The following PLCB1 variants were observed in gnomAD, a reference collection of about 807,000 sequenced individuals.
The protein encoded by PLCB1 is 1-phosphatidylinositol 4,5-bisphosphate phosphodiesterase beta-1.
Under a neutral mutation model 161.8 loss-of-function variants are expected in PLCB1, and 46 were observed. That is an observed-to-expected ratio of 0.28 (90% CI 0.22 to 0.36). PLCB1 has a LOEUF of 0.36. Among genes scored for constraint, PLCB1 ranks in the 10% least tolerant of loss-of-function variants. The probability of loss-of-function intolerance (pLI) is 1.00; values close to 1 mark genes in which losing one functional copy is unlikely to be tolerated. For missense variants in PLCB1, 1,016 were observed against 1,472.5 expected, an observed-to-expected ratio of 0.69 and a Z score of 5.07; for synonymous variants, 517 against 503.7, an observed-to-expected ratio of 1.03 and a Z score of -0.35.
At chr20:8,754,852 A>G (rs1464641516) in intron 23 of PLCB1, among the ~76,000 whole-genome samples, 1 of 152,172 alleles carries the variant, frequency 6.6e-6, no homozygotes, top group Non-Finnish European at 1.5e-5. Flanking sequence ...AAATGCATCC[A>G]TGTACTCCAT....
chr20:8,302,281 G>C (rs1188592589), intron 2 of PLCB1, among the ~76,000 whole-genome samples: 1 of 152,210 alleles, frequency 6.6e-6, no homozygotes, highest in African/African-American at 2.4e-5. Flanking sequence ...GAAAAGTAAT[G>C]AAGGTTCTTA....
At chr20:8,149,587 A>T (rs891585911) in intron 1 of PLCB1, among the ~76,000 whole-genome samples, 1 of 152,202 alleles carries the variant, frequency 6.6e-6, no homozygotes, top group African/African-American at 2.4e-5. Flanking sequence ...GTGTTTCAGT[A>T]TAAAAATCCA....
intron 9 of PLCB1, among the ~76,000 whole-genome samples, chr20:8,667,571 T>A (rs1432020403): frequency 6.6e-6 from 1 of 152,218 alleles, no homozygotes; most frequent in Non-Finnish European, 1.5e-5. Flanking sequence ...GTTTCTTTTC[T>A]CCTTTATTTC....
chr20:8,813,135 T>C (rs1460495448), intron 31 of PLCB1, among the ~76,000 whole-genome samples: 3 of 152,158 alleles, frequency 2.0e-5, no homozygotes, highest in Non-Finnish European at 1.5e-5. Context: ...ATGTTTGTAA[T>C]GAGGTGAATA....
intron 3 of PLCB1, among the ~76,000 whole-genome samples, chr20:8,480,776 T>C (rs1477776931): frequency 6.6e-6 from 1 of 152,168 alleles, no homozygotes; most frequent in Non-Finnish European, 1.5e-5. Context: ...CAAAACTACC[T>C]CTCAGTTTGG....
At chr20:8,523,926 C>A (rs1253113966) in intron 3 of PLCB1, among the ~76,000 whole-genome samples, 3 of 151,978 alleles carry the variant, frequency 2.0e-5, no homozygotes, top group Admixed American at 1.3e-4. Flanking sequence ...TGTATGGAAT[C>A]AACTGGGCGG....
intron 4 of PLCB1, among the ~76,000 whole-genome samples, chr20:8,633,101 TACACAC>T (rs58802999): frequency 0.21 from 30,213 of 142,020 alleles, 3,338 homozygotes; most frequent in Non-Finnish European, 0.23. Context: ...TGCATGTATG[TACACAC>T]ACACACACAC....
intron 2 of PLCB1, among the ~76,000 whole-genome samples, chr20:8,267,654 C>CA (rs750722955): frequency 1.3e-5 from 2 of 151,828 alleles, no homozygotes; most frequent in African/African-American, 4.8e-5. Context: ...TTTTTTAAAG[C>CA]AAAAAAAGCA....
intron 4 of PLCB1, among the ~76,000 whole-genome samples, chr20:8,634,720 T>A (rs1242620417): frequency 6.6e-6 from 1 of 152,232 alleles, no homozygotes; most frequent in Non-Finnish European, 1.5e-5. Context: ...ATGAAGTTTC[T>A]GTGCATTTAG....
At chr20:8,371,508 A>G in intron 3 of PLCB1, 58 bp downstream of exon 3, 1 of 1,201,766 alleles carries the variant, frequency 8.3e-7, no homozygotes, top group Non-Finnish European at 1.2e-6. Context: ...TGGCTGTGTC[A>G]CAATATCAAT....
At chr20:8,374,130 A>G (rs1359199685) in intron 3 of PLCB1, among the ~76,000 whole-genome samples, 1 of 152,012 alleles carries the variant, frequency 6.6e-6, no homozygotes, top group Non-Finnish European at 1.5e-5. Context: ...TGTAATTCCC[A>G]TCATCCCCAT....
chr20:8,545,480 A>C (rs2122973242), intron 3 of PLCB1, among the ~76,000 whole-genome samples: 1 of 152,322 alleles, frequency 6.6e-6, no homozygotes, highest in East Asian at 1.9e-4. Flanking sequence ...AGTATGCACT[A>C]ATGTTGGGAC....
intron 2 of PLCB1, among the ~76,000 whole-genome samples, chr20:8,294,347 A>G (rs539484473): frequency 2.0e-5 from 3 of 152,228 alleles, no homozygotes; most frequent in South Asian, 2.1e-4. Flanking sequence ...GAGATATTGT[A>G]TATACCCAAT....
At chr20:8,452,482 T>C (rs1462887964) in intron 3 of PLCB1, among the ~76,000 whole-genome samples, 2 of 152,202 alleles carry the variant, frequency 1.3e-5, no homozygotes, top group African/African-American at 2.4e-5. Flanking sequence ...TTTTCAAACA[T>C]TTATTGTTTT....
At chr20:8,391,845 T>A (rs1600369473) in intron 3 of PLCB1, among the ~76,000 whole-genome samples, 1 of 142,512 alleles carries the variant, frequency 7.0e-6, no homozygotes. Flanking sequence ...ATATATATAT[T>A]ACTTGAACTT....
chr20:8,249,033 A>G (rs1052892105), intron 2 of PLCB1, among the ~76,000 whole-genome samples: 1 of 151,976 alleles, frequency 6.6e-6, no homozygotes, highest in Admixed American at 6.6e-5. Context: ...AGGAGATTTC[A>G]GAATTTAGAA....
chr20:8,751,359 T>TA (rs1439666122), intron 23 of PLCB1: 1 of 152,332 alleles, frequency 6.6e-6, no homozygotes, highest in African/African-American at 2.4e-5. Flanking sequence ...ACCATTCAGT[T>TA]AAATCCTCCA....
At chr20:8,645,157 A>G (rs1989130127) in intron 4 of PLCB1, among the ~76,000 whole-genome samples, 1 of 148,426 alleles carries the variant, frequency 6.7e-6, no homozygotes, top group South Asian at 2.2e-4. Flanking sequence ...CCTAATCTCA[A>G]GTACCCAGGG....
At chr20:8,566,231 C>G (rs1324282109) in intron 3 of PLCB1, among the ~76,000 whole-genome samples, 2 of 152,092 alleles carry the variant, frequency 1.3e-5, no homozygotes, top group Non-Finnish European at 2.9e-5. Context: ...AAAATTGTGC[C>G]TTATCAACAG....
Sources: allele counts gnomAD v4.1 joint callset (sites outside exome capture counted in the v4.1 genomes callset), GRCh38; gene constraint gnomAD v4.1.1; transcripts MANE v1.5; gene names NCBI Gene and HGNC (gene_info 2026-07-23, HGNC 2026-07-21).